The following STARD9 variants were observed in gnomAD, a reference collection of about 807,000 sequenced individuals.
STARD9 encodes the protein StAR related lipid transfer domain containing 9.
In STARD9, 346 loss-of-function variants were observed where a neutral mutation model predicts 399.8. The ratio of observed to expected loss-of-function variants is 0.87; its 90% confidence interval spans 0.79 to 0.95. The LOEUF is 0.95. Among genes scored for constraint, STARD9 ranks in the 40% least tolerant of loss-of-function variants. STARD9 has a pLI of 0.00. For synonymous variants in STARD9, 2,203 were observed against 2,143.5 expected, an observed-to-expected ratio of 1.03 and a Z score of -0.77; for missense variants, 5,832 against 5,667.5, an observed-to-expected ratio of 1.03 and a Z score of -0.93.
intron 26 of STARD9, among the ~76,000 whole-genome samples, chr15:42,703,314 G>C (rs2061005913): frequency 6.6e-6 from 1 of 151,046 alleles, no homozygotes; most frequent in Admixed American, 6.6e-5. Flanking sequence ...TTCTCATTCT[G>C]CACTCCCTCT....
In STARD9 at chr15:42,636,097, G is replaced by C. The variant is rs1187795708; in HGVS notation, c.351+1125G>C. On this transcript the variant is annotated intron_variant, in intron 4 of 32. Coordinates refer to ENST00000290607, the MANE Select transcript of STARD9 (RefSeq NM_020759.3). Reference sequence around the variant, plus strand: ...AGATCTCTTAAGCCCAGGAATTTGAGAACAGTCTAGGCAACATAGGGAGAC... The same window carrying C: ...AGATCTCTTAAGCCCAGGAATTTGACAACAGTCTAGGCAACATAGGGAGAC... Among the ~76,000 whole-genome samples the C allele has an allele frequency of 4.6e-5, 7 of 152,124 alleles. No homozygotes were observed. The East Asian group carries it at 1.3e-3, about 29-fold the overall frequency.
intron 11 of STARD9, 96 bp from the exon 12 acceptor site, chr15:42,663,185 T>C: frequency 2.6e-6 from 3 of 1,132,328 alleles, no homozygotes; most frequent in Non-Finnish European, 3.7e-6. Flanking sequence ...TTAGGAAATA[T>C]GATACTTAAG....
At chr15:42,708,894 A>G (rs1200810887) in intron 26 of STARD9, among the ~76,000 whole-genome samples, 1 of 152,212 alleles carries the variant, frequency 6.6e-6, no homozygotes, top group East Asian at 1.9e-4. Context: ...AGATTAGGCA[A>G]AGAAAAATAC....
intron 9 of STARD9, 80 bp from the exon 10 acceptor site, chr15:42,661,078 T>C: frequency 9.3e-7 from 1 of 1,069,870 alleles, no homozygotes; most frequent in East Asian, 2.6e-5. Flanking sequence ...ATCCAAAATA[T>C]CACCTTGGTT....
intron 26 of STARD9, among the ~76,000 whole-genome samples, chr15:42,706,280 T>C (rs528385854): frequency 2.6e-5 from 4 of 152,210 alleles, no homozygotes; most frequent in South Asian, 4.1e-4. Flanking sequence ...CTAAGTATTT[T>C]AAGTTTTTTG....
intron 3 of STARD9, among the ~76,000 whole-genome samples, chr15:42,622,657 G>A (rs1006512158): frequency 1.3e-5 from 2 of 152,162 alleles, no homozygotes; most frequent in African/African-American, 4.8e-5. Flanking sequence ...TGTTCCTGAG[G>A]TGGGAGATCT....
At chr15:42,672,474 C>T (rs1031548225) in intron 16 of STARD9, 1 of 152,178 alleles carries the variant, frequency 6.6e-6, no homozygotes, top group African/African-American at 2.4e-5. Flanking sequence ...TGTGCCATAG[C>T]CTTTATCTTT....
chr15:42,643,822 A>G (rs1273192977), intron 7 of STARD9, among the ~76,000 whole-genome samples: 1 of 152,180 alleles, frequency 6.6e-6, no homozygotes, highest in African/African-American at 2.4e-5. Context: ...GTATTGCACC[A>G]GTTTTAATGT....
intron 3 of STARD9, among the ~76,000 whole-genome samples, chr15:42,601,006 G>A (rs1203579913): frequency 3.4e-4 from 52 of 152,140 alleles, no homozygotes; most frequent in Admixed American, 1.1e-3. Flanking sequence ...TAGGCAGAGA[G>A]CCCTGCCGCC....
At chr15:42,655,843 A>G (rs750810228) in intron 9 of STARD9, among the ~76,000 whole-genome samples, 25 of 152,244 alleles carry the variant, frequency 1.6e-4, no homozygotes, top group Non-Finnish European at 3.7e-4. Context: ...ACGAAGGACT[A>G]ATATCCAGAC....
chr15:42,684,701 A>G lies in STARD9; in HGVS notation c.3123A>G (p.Ser1041=). The part of the protein sequence containing the change: ...EYKPPSPSRA[S]KRHQRVLATR... ...AACCACCTTCTCCAAGCAGGGCATC[A>G]AAAAGGCATCAGAGGGTTCTGGCAA... Residue 1041 remains serine (S), a synonymous_variant, in exon 23 of 33, where the codon TCA becomes TCG. Transcript: ENST00000290607. The G allele has an allele frequency of 1.3e-6, 2 of 1,537,226 alleles. No homozygotes were observed. Among genetic ancestry groups the G allele is most frequent in the East Asian group, 2.4e-5 (1 of 40,904 alleles).
chr15:42,694,293 CT>C lies in STARD9; in HGVS notation c.12717del (p.Ala4240LeufsTer6), dbSNP rs2060789563. On this transcript the variant is annotated frameshift_variant, in exon 23 of 33. Coordinates refer to ENST00000290607, the MANE Select transcript of STARD9 (RefSeq NM_020759.3). LOFTEE classifies it high-confidence loss of function. ...GCTGCAGAGTGGGACAGGGGAGGCGCTTGCTGCTGATGAACCTGTGACATCC... is the reference window on the plus strand; with the variant it reads ...GCTGCAGAGTGGGACAGGGGAGGCGCTGCTGCTGATGAACCTGTGACATCC... ...QVLQSGTGEA[L>X]AADEPVTSTW... The C allele has an allele frequency of 6.6e-7, 1 of 1,517,722 alleles. No individual in the cohort carries two copies. The highest frequency in any genetic ancestry group is 8.8e-7 in the Non-Finnish European group (1 of 1,136,812). The allele number at this position is 1,517,722 out of a possible 1,614,324, so 94.0% of individuals were successfully genotyped here.
At chr15:42,651,435 T>C (rs2059760474) in intron 8 of STARD9, among the ~76,000 whole-genome samples, 1 of 152,184 alleles carries the variant, frequency 6.6e-6, no homozygotes, top group Non-Finnish European at 1.5e-5. Flanking sequence ...AGGATGAATA[T>C]AGTGTAAAAG....
At chr15:42,612,758 C>T (rs545016321) in intron 3 of STARD9, among the ~76,000 whole-genome samples, 15 of 152,172 alleles carry the variant, frequency 9.9e-5, no homozygotes, top group African/African-American at 1.9e-4. Context: ...CCGAGGTGGG[C>T]GGATCACCTG....
chr15:42,664,789 A>AACACACACACACACACAC (rs55773330), intron 13 of STARD9, among the ~76,000 whole-genome samples: 10 of 144,822 alleles, frequency 6.9e-5, no homozygotes, highest in African/African-American at 2.3e-4. Context: ...TTTATCCTTT[A>AACACACACACACACACAC]ACACACACAC....
rs1020014711 is a variant in STARD9 at position 42,685,717 on chromosome 15, C to G, written c.4139C>G (p.Thr1380Ser). The G allele has an allele frequency of 1.3e-6, 2 of 1,537,478 alleles. No homozygotes were observed. The highest frequency in any genetic ancestry group is 2.0e-5 in the Admixed American group (1 of 51,012). Residue 1380 changes from threonine (T) to serine (S), a missense_variant, in exon 23 of 33, where the codon ACT (threonine) becomes AGT (serine). Coordinates refer to ENST00000290607, the MANE Select transcript of STARD9 (RefSeq NM_020759.3). Reference sequence around the variant, plus strand: ...GAGAGGCCTGGATACTGGCCAAATACTGAGGAACTAAAGCCATCAGATGCA... The same window carrying G: ...GAGAGGCCTGGATACTGGCCAAATAGTGAGGAACTAAAGCCATCAGATGCA... ...KGERPGYWPNTEELKPSDAET... is the reference protein window; with the variant it reads ...KGERPGYWPNSEELKPSDAET...
rs944535545 is a variant in STARD9, at chr15:42,719,461, C to T, written c.14002-12C>T. On this transcript the variant is annotated splice_polypyrimidine_tract_variant and intron_variant, in intron 32 of 32. Transcript: ENST00000290607. ...CTATTTGCACCTTAAATTCTTCTCTCTCTGCTTTCAGGTGGAACTTGGTGC... is the reference window on the plus strand; with the variant it reads ...CTATTTGCACCTTAAATTCTTCTCTTTCTGCTTTCAGGTGGAACTTGGTGC... 4 of 1,519,392 alleles carry T rather than the reference C, an allele frequency of 2.6e-6. No homozygotes were observed. The highest frequency in any genetic ancestry group is 2.0e-5 in the Admixed American group (1 of 50,938). The allele number at this position is 1,519,392 out of a possible 1,614,324, so 94.1% of individuals were successfully genotyped here.
At position 42,693,632 on chromosome 15, in the gene STARD9, AC is replaced by A; in HGVS notation, c.12056del (p.Pro4019HisfsTer2). 6.5e-7 allele frequency: 1 copy of A among 1,537,196 alleles called. No homozygotes were observed. The highest frequency in any genetic ancestry group is 1.4e-5 in the African/African-American group (1 of 73,154). On this transcript the variant is annotated frameshift_variant, in exon 23 of 33. Transcript: ENST00000290607. LOFTEE classifies it high-confidence loss of function. ...GGGTCCAAAGCAGACTGCTGCCACCACCACTGAGGCACAGGAGCCAAAGGCT... is the reference window on the plus strand; with the variant it reads ...GGGTCCAAAGCAGACTGCTGCCACCACACTGAGGCACAGGAGCCAAAGGCT... Reference protein sequence around the residue: ...IGVQSRLLPPPLRHRSQRLGN... With the variant: ...IGVQSRLLPPXLRHRSQRLGN...
chr15:42,668,820 A>G (rs1175459116), intron 15 of STARD9, among the ~76,000 whole-genome samples: 1 of 152,200 alleles, frequency 6.6e-6, no homozygotes, highest in African/African-American at 2.4e-5. Context: ...ATAAACATAG[A>G]TGTCTAACAT....
Sources: gnomAD v4.1 joint callset for allele counts (sites outside exome capture counted in the v4.1 genomes callset) on GRCh38, gnomAD v4.1.1 for gene constraint, MANE v1.5 for transcripts, NCBI Gene and HGNC (gene_info 2026-07-23, HGNC 2026-07-21) for gene names.